PDE7B: variants seen among roughly 807,000 people sequenced by gnomAD.
PDE7B encodes the protein phosphodiesterase 7B.
A neutral mutation model predicts 56.2 loss-of-function variants in PDE7B; 29 were observed. The ratio of observed to expected loss-of-function variants is 0.52; its 90% CI spans 0.38 to 0.70. The LOEUF (loss-of-function observed/expected upper bound fraction) is 0.70. Ranked by LOEUF, PDE7B falls within the 30% of genes least tolerant of loss-of-function variation. The pLI, the probability that PDE7B is intolerant of heterozygous loss-of-function variation, is 0.00. For missense variants in PDE7B, 490 were observed against 565.0 expected, an observed-to-expected ratio of 0.87 and a Z score of 1.35; for synonymous variants, 197 against 196.9, an observed-to-expected ratio of 1.00 and a Z score of 0.00.
At chr6:135,964,205 G>T (rs1386091806) in intron 2 of PDE7B, among the ~76,000 whole-genome samples, 2 of 151,994 alleles carry the variant, frequency 1.3e-5, no homozygotes, top group Non-Finnish European at 2.9e-5. Context: ...GAGGGTTCAA[G>T]TGAGTCTCCT....
At chr6:136,052,516 G>T (rs1017200351) in intron 2 of PDE7B, among the ~76,000 whole-genome samples, 4 of 152,022 alleles carry the variant, frequency 2.6e-5, no homozygotes, top group African/African-American at 9.7e-5. Context: ...TCCAACTGGG[G>T]CCCATCCCAT....
intron 2 of PDE7B, among the ~76,000 whole-genome samples, chr6:136,057,383 CCTT>C (rs1463798478): frequency 2.0e-5 from 3 of 152,112 alleles, no homozygotes; most frequent in Non-Finnish European, 4.4e-5. Context: ...TTGAAAGTAT[CCTT>C]CTATTTTTTA....
chr6:136,179,797 G>A (rs1046543187), intron 10 of PDE7B, among the ~76,000 whole-genome samples: 14 of 152,114 alleles, frequency 9.2e-5, no homozygotes, highest in African/African-American at 3.4e-4. Flanking sequence ...ATTTTCATCT[G>A]AGTCTTAAAC....
chr6:136,126,205 C>A (rs796096497), intron 3 of PDE7B, among the ~76,000 whole-genome samples: 32 of 152,280 alleles, frequency 2.1e-4, no homozygotes, highest in African/African-American at 7.5e-4. Flanking sequence ...CATAAGCAGT[C>A]TTGCCACTGG....
chr6:136,038,401 G>A, intron 2 of PDE7B: 1 of 1,291,400 alleles, frequency 7.7e-7, no homozygotes, highest in Non-Finnish European at 1.0e-6. Context: ...GCCAGCAGGG[G>A]CCGCTGCCCT....
At chr6:136,128,119 C>T (rs867086823) in intron 3 of PDE7B, among the ~76,000 whole-genome samples, 2 of 152,108 alleles carry the variant, frequency 1.3e-5, no homozygotes, top group Non-Finnish European at 2.9e-5. Flanking sequence ...GCAGGTCTTG[C>T]TTTTTACCAA....
At chr6:136,068,423 C>CTTTTT (rs33992191) in intron 2 of PDE7B, among the ~76,000 whole-genome samples, 8 of 79,514 alleles carry the variant, frequency 1.0e-4, no homozygotes, top group East Asian at 3.9e-4. Flanking sequence ...ACCAAGATTC[C>CTTTTT]TTTTTTTTTT....
chr6:135,890,042 CA>C (rs1202011410), intron 1 of PDE7B, among the ~76,000 whole-genome samples: 4 of 152,182 alleles, frequency 2.6e-5, no homozygotes, highest in African/African-American at 7.2e-5. Context: ...CATGAGCCAC[CA>C]CACCCAGATG....
intron 2 of PDE7B, among the ~76,000 whole-genome samples, chr6:136,098,972 G>C (rs534153148): frequency 1.0e-4 from 13 of 124,820 alleles, no homozygotes; most frequent in Non-Finnish European, 1.7e-4. Flanking sequence ...TCCCCTCCCT[G>C]TGTCCATGTG....
chr6:136,159,702 A>G (rs1289102037), intron 8 of PDE7B, among the ~76,000 whole-genome samples: 1 of 152,204 alleles, frequency 6.6e-6, no homozygotes, highest in Non-Finnish European at 1.5e-5. Flanking sequence ...AAATGAAAAC[A>G]CAGACAATGT....
At chr6:135,873,414 C>T (rs561286548) in intron 1 of PDE7B, among the ~76,000 whole-genome samples, 22 of 152,122 alleles carry the variant, frequency 1.4e-4, no homozygotes, top group South Asian at 4.1e-4. Flanking sequence ...TGAAATAATA[C>T]GGTGTCTTGT....
intron 3 of PDE7B, among the ~76,000 whole-genome samples, chr6:136,145,486 T>TA (rs1376221845): frequency 6.6e-6 from 1 of 152,116 alleles, no homozygotes; most frequent in Non-Finnish European, 1.5e-5. Flanking sequence ...AAGTCATATT[T>TA]AAAAACCAGA....
At chr6:136,007,620 T>C (rs1775810567) in intron 2 of PDE7B, among the ~76,000 whole-genome samples, 2 of 150,930 alleles carry the variant, frequency 1.3e-5, no homozygotes, top group Non-Finnish European at 3.0e-5. Flanking sequence ...CACTGTGTCA[T>C]ATGAGGTACT....
At chr6:136,100,692 T>C (rs1333205426) in intron 2 of PDE7B, among the ~76,000 whole-genome samples, 1 of 152,232 alleles carries the variant, frequency 6.6e-6, no homozygotes, top group Non-Finnish European at 1.5e-5. Flanking sequence ...GTTTTCTAAA[T>C]ATGCTATCAT....
chr6:136,055,804 G>A (rs898007185), intron 2 of PDE7B, among the ~76,000 whole-genome samples: 1 of 152,118 alleles, frequency 6.6e-6, no homozygotes, highest in Admixed American at 6.6e-5. Flanking sequence ...TGCCCATGTG[G>A]CATGGGCAAG....
At chr6:136,056,090 AAGG>A (rs1041194662) in intron 2 of PDE7B, among the ~76,000 whole-genome samples, 4 of 152,192 alleles carry the variant, frequency 2.6e-5, no homozygotes, top group Non-Finnish European at 1.5e-5. Context: ...GGAAACGTAG[AAGG>A]AGGAGGAGGA....
intron 2 of PDE7B, among the ~76,000 whole-genome samples, chr6:136,098,367 C>G (rs1562492393): frequency 6.6e-6 from 1 of 152,046 alleles, no homozygotes; most frequent in South Asian, 2.1e-4. Context: ...AATTGTTGGC[C>G]TATACTCAGA....
chr6:136,021,121 A>C (rs1370293393), intron 2 of PDE7B, among the ~76,000 whole-genome samples: 1 of 152,074 alleles, frequency 6.6e-6, no homozygotes, highest in African/African-American at 2.4e-5. Context: ...TATGCCAGTA[A>C]TTTTCCAAAT....
intron 1 of PDE7B, among the ~76,000 whole-genome samples, chr6:135,915,845 T>C (rs997385079): frequency 6.6e-6 from 1 of 152,234 alleles, no homozygotes; most frequent in Non-Finnish European, 1.5e-5. Flanking sequence ...CAGCCTGATA[T>C]AGTCTGATGG....
Sources: gnomAD v4.1 joint callset for allele counts (sites outside exome capture counted in the v4.1 genomes callset) on GRCh38, gnomAD v4.1.1 for gene constraint, MANE v1.5 for transcripts, NCBI Gene and HGNC (gene_info 2026-07-23, HGNC 2026-07-21) for gene names.